IGF1R: variants seen among roughly 807,000 people sequenced by gnomAD.
IGF1R encodes the protein insulin like growth factor 1 receptor, also known as insulin-like growth factor 1 receptor.
Under a neutral mutation model 144.6 loss-of-function variants are expected in IGF1R, and 44 were observed. The observed-to-expected ratio is 0.30, with a 90% confidence interval of 0.24 to 0.39. IGF1R has a LOEUF of 0.39. Among genes scored for constraint, IGF1R ranks in the 10% least tolerant of loss-of-function variants. The pLI is 1.00. For synonymous variants in IGF1R, 795 were observed against 722.8 expected, an observed-to-expected ratio of 1.10 and a Z score of -1.60; for missense variants, 1,355 against 1,833.7, an observed-to-expected ratio of 0.74 and a Z score of 4.77.
chr15:98,837,448 C>T (rs2011107502), intron 2 of IGF1R, among the ~76,000 whole-genome samples: 1 of 152,114 alleles, frequency 6.6e-6, no homozygotes, highest in Admixed American at 6.5e-5. Flanking sequence ...CACATGTTGG[C>T]CAGGTTGGTC....
intron 2 of IGF1R, among the ~76,000 whole-genome samples, chr15:98,871,639 G>A (rs2012791264): frequency 6.6e-6 from 1 of 152,326 alleles, no homozygotes; most frequent in Admixed American, 6.5e-5. Context: ...GGCGGAAAGT[G>A]AAAGGTACAT....
intron 2 of IGF1R, among the ~76,000 whole-genome samples, chr15:98,794,605 G>C (rs1209765821): frequency 6.6e-6 from 1 of 152,182 alleles, no homozygotes; most frequent in Admixed American, 6.5e-5. Flanking sequence ...TGATTTGTCT[G>C]TGTAAAGTTC....
intron 2 of IGF1R, among the ~76,000 whole-genome samples, chr15:98,798,635 A>G (rs2056298234): frequency 6.6e-6 from 1 of 152,102 alleles, no homozygotes; most frequent in Admixed American, 6.5e-5. Context: ...CACCAGCAAG[A>G]CTGTCTGGTG....
In IGF1R at chr15:98,708,096, G is replaced by A. The variant is rs748737109; in HGVS notation, c.629G>A (p.Arg210His). 4.3e-6 allele frequency: 7 copies of A among 1,612,862 alleles called. No individual in the cohort carries two copies. The highest frequency in any genetic ancestry group is 4.0e-5 in the African/African-American group (3 of 74,898). The change falls in exon 2 of 21, where the codon CGC (arginine) becomes CAC (histidine). Residue 210 changes from arginine to histidine, a missense_variant. By Grantham distance (29) the Arg-to-His change is conservative. This residue lies in a region of IGF1R where 880 missense variants were observed against 1,202.7 expected (regional missense o/e 0.73). Coordinates refer to ENST00000650285, the MANE Select transcript of IGF1R (RefSeq NM_000875.5). ...AACTACCGCTGCTGGACCACAAACC[G>A]CTGCCAGAAAAGTAAGAATGATGCT... ...EYNYRCWTTN[R>H]CQKMCPSTCG...
intron 2 of IGF1R, among the ~76,000 whole-genome samples, chr15:98,754,324 A>AG (rs2055094322): frequency 6.6e-6 from 1 of 152,188 alleles, no homozygotes; most frequent in African/African-American, 2.4e-5. Flanking sequence ...GGGCTCTACT[A>AG]GTGCTTCCTT....
At chr15:98,652,678 G>GTGACCACAT (rs2141163034) in intron 1 of IGF1R, among the ~76,000 whole-genome samples, 1 of 152,284 alleles carries the variant, frequency 6.6e-6, no homozygotes, top group South Asian at 2.1e-4. Context: ...CATATCGTAT[G>GTGACCACAT]ATCCGGTTTA....
intron 2 of IGF1R, among the ~76,000 whole-genome samples, chr15:98,848,767 A>G (rs185813669): frequency 1.6e-3 from 243 of 152,374 alleles, no homozygotes; most frequent in Non-Finnish European, 2.5e-3. Flanking sequence ...ACAGAATAGA[A>G]CATCTTCTGC....
Position 98,707,518 on chromosome 15 carries a change from T to C in IGF1R, c.95-44T>C. The C allele has an allele frequency of 6.3e-7, 1 of 1,581,372 alleles. No individual in the cohort carries two copies. The highest frequency in any genetic ancestry group is 1.7e-5 in the Admixed American group (1 of 59,202). ...ATTGTTTGGAAAATAGTTTAAAAAT[T>C]ATTTCCTTCTAACTGAGACGTTTAC... On this transcript the variant is annotated intron_variant, in intron 1 of 20. Transcript: ENST00000650285. The surrounding 1 kb of genome is among the most constrained non-coding windows in gnomAD (Gnocchi z 6.7).
At chr15:98,709,226 C>T (rs182402942) in intron 2 of IGF1R, among the ~76,000 whole-genome samples, 3 of 152,306 alleles carry the variant, frequency 2.0e-5, no homozygotes, top group Admixed American at 1.3e-4. Flanking sequence ...AAAGGCGAGA[C>T]CCCACAGGGG....
At chr15:98,739,851 G>A (rs778296970) in intron 2 of IGF1R, among the ~76,000 whole-genome samples, 1 of 152,164 alleles carries the variant, frequency 6.6e-6, no homozygotes, top group East Asian at 1.9e-4. Flanking sequence ...CTTGGCTTCC[G>A]AAGGGGCTGG....
At chr15:98,769,449 CT>C (rs1281640928) in intron 2 of IGF1R, among the ~76,000 whole-genome samples, 3 of 152,186 alleles carry the variant, frequency 2.0e-5, no homozygotes, top group Non-Finnish European at 4.4e-5. Flanking sequence ...GCATCAGCTG[CT>C]CCCAGGGGCC....
chr15:98,961,998 T>C lies in IGF1R; in HGVS notation c.*4556T>C, dbSNP rs1408523154. On this transcript the variant is annotated 3_prime_UTR_variant, in exon 21 of 21. Coordinates refer to ENST00000650285, the MANE Select transcript of IGF1R (RefSeq NM_000875.5). ...GGGGTGCTTTGGGATAAAAGATTTA[T>C]GAGCCAACTATTCTCTGGCACCAGA... is the stretch of plus-strand genomic sequence containing the variant. 4.3e-6 allele frequency: 1 copy of C among 233,226 alleles called. No homozygotes were observed. The highest frequency in any genetic ancestry group is 8.5e-6 in the Non-Finnish European group (1 of 118,078). 14.4% of individuals were successfully genotyped at this position (233,226 alleles called of 1,614,324 possible). A position where few individuals can be genotyped will look rare whatever the true frequency, so the allele number is the denominator to read the frequency against.
At chr15:98,837,330 C>T (rs1418885489) in intron 2 of IGF1R, among the ~76,000 whole-genome samples, 3 of 152,152 alleles carry the variant, frequency 2.0e-5, no homozygotes, top group Admixed American at 2.0e-4. Flanking sequence ...CCTCCAACTC[C>T]CTGGTTCAAG....
At chr15:98,901,193 C>A (rs1320277693) in intron 5 of IGF1R, among the ~76,000 whole-genome samples, 2 of 152,174 alleles carry the variant, frequency 1.3e-5, no homozygotes, top group Non-Finnish European at 2.9e-5. Flanking sequence ...GGAGGCTTTC[C>A]AGGTAAGCCC....
intron 2 of IGF1R, among the ~76,000 whole-genome samples, chr15:98,818,584 CG>C (rs2056742981): frequency 8.4e-6 from 1 of 119,580 alleles, no homozygotes; most frequent in Non-Finnish European, 1.7e-5. Flanking sequence ...AGTGGCAGGG[CG>C]GGGGGTAGGG....
chr15:98,681,588 G>A (rs1159791320), intron 1 of IGF1R, among the ~76,000 whole-genome samples: 2 of 152,164 alleles, frequency 1.3e-5, no homozygotes, highest in Admixed American at 1.3e-4. Context: ...AGGGATGGAG[G>A]CAGCAGACCC....
chr15:98,690,919 T>G (rs951490768), intron 1 of IGF1R, among the ~76,000 whole-genome samples: 6 of 152,256 alleles, frequency 3.9e-5, no homozygotes, highest in Admixed American at 3.9e-4. Flanking sequence ...ATCCCTGTTG[T>G]CCTGCGGCTT....
chr15:98,750,065 T>C (rs2054971214), intron 2 of IGF1R, among the ~76,000 whole-genome samples: 1 of 152,206 alleles, frequency 6.6e-6, no homozygotes, highest in Admixed American at 6.5e-5. Flanking sequence ...CATATAGCAA[T>C]ACCATTTTGA....
At chr15:98,880,726 A>G (rs1361847117) in intron 2 of IGF1R, 3 of 152,250 alleles carry the variant, frequency 2.0e-5, no homozygotes, top group African/African-American at 4.8e-5. Context: ...CTTGATGCCC[A>G]TGGGGGATTT....
Sources: gnomAD v4.1 joint callset for allele counts (sites outside exome capture counted in the v4.1 genomes callset) on GRCh38, gnomAD v4.1.1 for gene constraint, gnomAD v4.1.1 regional missense constraint, Gnocchi (gnomAD v3.1) non-coding constraint, MANE v1.5 for transcripts, NCBI Gene and HGNC (gene_info 2026-07-23, HGNC 2026-07-21) for gene names.